ZFPM1: variants seen among roughly 807,000 people sequenced by gnomAD.
The protein encoded by ZFPM1 is zinc finger protein ZFPM1.
Under a neutral mutation model 46.3 loss-of-function variants are expected in ZFPM1, and 28 were observed. The ratio of observed to expected loss-of-function variants is 0.60; its 90% CI spans 0.45 to 0.83. ZFPM1 has a LOEUF of 0.83. Among genes scored for constraint, ZFPM1 ranks in the 40% least tolerant of loss-of-function variants. The probability of loss-of-function intolerance (pLI) is 0.00; values close to 1 mark genes in which losing one functional copy is unlikely to be tolerated. For missense variants in ZFPM1, 1,878 were observed against 1,432.4 expected, an observed-to-expected ratio of 1.31 and a Z score of -5.02; for synonymous variants, 957 against 675.9, an observed-to-expected ratio of 1.42 and a Z score of -6.45.
At chr16:88,455,114 G>A (rs1907477776) in intron 1 of ZFPM1, among the ~76,000 whole-genome samples, 1 of 151,444 alleles carries the variant, frequency 6.6e-6, no homozygotes, top group South Asian at 2.1e-4. Flanking sequence ...TTCCCTGAGC[G>A]CCTATGTTCG....
chr16:88,453,769 C>A, intron 1 of ZFPM1, 91 bp downstream of exon 1: 2 of 792,246 alleles, frequency 2.5e-6, no homozygotes, highest in South Asian at 5.5e-5. Flanking sequence ...CCCCGCTCTG[C>A]CCTGGGCGCC....
At chr16:88,453,828 G>A (rs779676408) in intron 1 of ZFPM1, 150 bp downstream of exon 1, 63 of 439,296 alleles carry the variant, frequency 1.4e-4, no homozygotes, top group Non-Finnish European at 1.7e-4. Context: ...CAAGCGCGCC[G>A]TAATCTAATC....
chr16:88,488,700 G>A (rs1027415538), intron 2 of ZFPM1, among the ~76,000 whole-genome samples: 8 of 152,194 alleles, frequency 5.3e-5, no homozygotes, highest in African/African-American at 1.7e-4. Context: ...GCCCCCAGCT[G>A]CCAGCAGAGG....
rs747397623 is a variant in ZFPM1, at chr16:88,497,758, G to T, written c.268+8605G>T. ...GCCTGAGGCCCACGAAGGGTCCCCC[G>T]CCCCAGGGTCCCGACAGGGCCCGCC... On this transcript the variant is annotated intron_variant, in intron 3 of 9. Transcript: ENST00000319555. This position sits in a 1 kb window ranked among gnomAD's most constrained non-coding sequence, Gnocchi z 5.4. Among the ~76,000 whole-genome samples, 12 of 152,128 alleles carry T rather than the reference G, an allele frequency of 7.9e-5. No homozygotes were observed. The highest frequency in any genetic ancestry group is 1.8e-4 in the Non-Finnish European group (12 of 68,014).
At chr16:88,475,643 G>T (rs572868331) in intron 1 of ZFPM1, among the ~76,000 whole-genome samples, 1 of 152,298 alleles carries the variant, frequency 6.6e-6, no homozygotes, top group Admixed American at 6.5e-5. Flanking sequence ...GGCAGGGCTC[G>T]GGAAAAGGGT....
chr16:88,486,183 A>G lies in ZFPM1; in HGVS notation c.145+140A>G, dbSNP rs556003644. 1.4e-4 allele frequency: 125 copies of G among 907,610 alleles called. No homozygotes were observed. In the East Asian group the frequency reaches 2.1e-3, roughly 15 times the overall value. The allele number at this position is 907,610 out of a possible 1,614,324, so 56.2% of individuals were successfully genotyped here. A position where few individuals can be genotyped will look rare whatever the true frequency, so the allele number is the denominator to read the frequency against. The stretch of plus-strand genomic sequence containing the variant: ...AGTCCAGGACAGGCGTCTTCCAGCC[A>G]GAGGCCTGTTGCCCGGAGGCCCTCG... On this transcript the variant is annotated intron_variant, in intron 2 of 9. Transcript: ENST00000319555.
At chr16:88,464,582 T>G (rs1908045718) in intron 1 of ZFPM1, among the ~76,000 whole-genome samples, 1 of 152,154 alleles carries the variant, frequency 6.6e-6, no homozygotes, top group Non-Finnish European at 1.5e-5. Flanking sequence ...CCAAACATTT[T>G]CCCAGAAAGC....
At chr16:88,456,591 G>T (rs1198751353) in intron 1 of ZFPM1, among the ~76,000 whole-genome samples, 1 of 152,162 alleles carries the variant, frequency 6.6e-6, no homozygotes, top group Non-Finnish European at 1.5e-5. Flanking sequence ...CACGTCAGGT[G>T]GTCAGGGACA....
intron 3 of ZFPM1, among the ~76,000 whole-genome samples, chr16:88,500,879 G>A (rs552073355): frequency 3.3e-5 from 5 of 152,366 alleles, no homozygotes; most frequent in African/African-American, 1.2e-4. Flanking sequence ...ACAGTGCTGG[G>A]TCCCTAGACG....
chr16:88,502,108 T>G (rs970522828), intron 3 of ZFPM1, among the ~76,000 whole-genome samples: 1 of 140,282 alleles, frequency 7.1e-6, no homozygotes, highest in African/African-American at 2.6e-5. Context: ...ATTTATTTAT[T>G]TATCTCTCCT....
intron 1 of ZFPM1, among the ~76,000 whole-genome samples, chr16:88,468,527 C>G (rs1908265238): frequency 6.6e-6 from 1 of 152,066 alleles, no homozygotes; most frequent in African/African-American, 2.4e-5. Flanking sequence ...CAGTATCTTT[C>G]CCACTCAGAG....
chr16:88,507,843 C>T (rs141622217), intron 3 of ZFPM1, among the ~76,000 whole-genome samples: 2 of 152,322 alleles, frequency 1.3e-5, no homozygotes, highest in Non-Finnish European at 2.9e-5. Context: ...CCCAGCCCCA[C>T]AGCCCTCCTG....
intron 1 of ZFPM1, among the ~76,000 whole-genome samples, chr16:88,462,317 T>C (rs1036014173): frequency 3.9e-5 from 6 of 152,222 alleles, no homozygotes; most frequent in Non-Finnish European, 2.9e-5. Context: ...GGAGCTGAAG[T>C]GAGCCCGGCG....
At chr16:88,452,183 T>C (rs1255766076), upstream of ZFPM1, among the ~76,000 whole-genome samples, 1 of 151,992 alleles carries the variant, frequency 6.6e-6, no homozygotes, top group African/African-American at 2.4e-5. Context: ...TAAAAGGAGA[T>C]GATACAACTC....
chr16:88,520,549 G>GATGA (rs1911760785), intron 4 of ZFPM1, among the ~76,000 whole-genome samples: 1 of 107,446 alleles, frequency 9.3e-6, no homozygotes, highest in African/African-American at 3.8e-5. Context: ...TGGCTGAAAG[G>GATGA]ATGGATGGAT....
chr16:88,458,519 C>A lies in ZFPM1; in HGVS notation c.40+4841C>A, dbSNP rs1907658065. ...GGGAATGTGATGCCATTAATTGTGC[C>A]CCTTATCTCCTGTTTCTATGCCAAC... On this transcript the variant is annotated intron_variant, in intron 1 of 9. Coordinates refer to ENST00000319555, the MANE Select transcript of ZFPM1 (RefSeq NM_153813.3). 2.0e-5 allele frequency among the ~76,000 whole-genome samples: 3 copies of A among 152,220 alleles called. No individual in the cohort carries two copies. In the East Asian group the frequency reaches 5.8e-4, roughly 29 times the overall value.
At chr16:88,521,252 C>T (rs373870788) in intron 4 of ZFPM1, among the ~76,000 whole-genome samples, 1 of 151,772 alleles carries the variant, frequency 6.6e-6, no homozygotes, top group East Asian at 1.9e-4. Context: ...GCTGTTCCCT[C>T]CTCCGTGCTG....
intron 1 of ZFPM1, among the ~76,000 whole-genome samples, chr16:88,475,483 C>T (rs1447266563): frequency 6.6e-6 from 1 of 151,444 alleles, no homozygotes; most frequent in African/African-American, 2.4e-5. Flanking sequence ...CCCAATCCCA[C>T]CCAAGTAACC....
chr16:88,473,982 G>A (rs1030784694), intron 1 of ZFPM1, among the ~76,000 whole-genome samples: 2 of 152,248 alleles, frequency 1.3e-5, no homozygotes, highest in African/African-American at 4.8e-5. Context: ...TGGCTATCAG[G>A]CCCATCGGAG....
Sources: gnomAD v4.1 joint callset for allele counts (sites outside exome capture counted in the v4.1 genomes callset) on GRCh38, gnomAD v4.1.1 for gene constraint, Gnocchi (gnomAD v3.1) non-coding constraint, MANE v1.5 for transcripts, NCBI Gene and HGNC (gene_info 2026-07-23, HGNC 2026-07-21) for gene names.